Variants in ARHGAP26 observed in about 807,000 individuals in gnomAD.
ARHGAP26 encodes the protein rho GTPase-activating protein 26.
In ARHGAP26, 38 loss-of-function variants were observed where a neutral mutation model predicts 104.8. The observed-to-expected ratio is 0.36, with a 90% CI of 0.28 to 0.48. The LOEUF is 0.48. Among genes scored for constraint, ARHGAP26 ranks in the 20% least tolerant of loss-of-function variants. ARHGAP26 has a pLI of 0.99. For missense variants in ARHGAP26, 704 were observed against 947.9 expected, an observed-to-expected ratio of 0.74 and a Z score of 3.38; for synonymous variants, 341 against 340.0, an observed-to-expected ratio of 1.00 and a Z score of -0.03.
chr5:143,107,728 T>G (rs1216159294), intron 17 of ARHGAP26, among the ~76,000 whole-genome samples: 1 of 152,214 alleles, frequency 6.6e-6, no homozygotes, highest in Non-Finnish European at 1.5e-5. Flanking sequence ...AATCGTTCGG[T>G]GTCTTTGTTA....
chr5:143,046,117 A>G (rs1784202589), intron 14 of ARHGAP26, among the ~76,000 whole-genome samples: 1 of 151,672 alleles, frequency 6.6e-6, no homozygotes, highest in African/African-American at 2.4e-5. Flanking sequence ...CTGGGCAACA[A>G]GAACGAAACT....
intron 17 of ARHGAP26, among the ~76,000 whole-genome samples, chr5:143,092,170 G>GT (rs70991792): frequency 0.76 from 100,222 of 131,200 alleles, 40,976 homozygotes; most frequent in Non-Finnish European, 0.91. Context: ...TTTTTTTTTT[G>GT]TTTTTTTTTT....
intron 4 of ARHGAP26, among the ~76,000 whole-genome samples, chr5:142,884,427 A>G (rs1055404649): frequency 5.9e-5 from 9 of 152,354 alleles, no homozygotes; most frequent in African/African-American, 2.2e-4. Flanking sequence ...CATTTTGAAG[A>G]CAATAATACG....
At chr5:143,006,713 T>C (rs1194673666) in intron 11 of ARHGAP26, among the ~76,000 whole-genome samples, 2 of 152,166 alleles carry the variant, frequency 1.3e-5, no homozygotes, top group African/African-American at 4.8e-5. Flanking sequence ...GAAGAACCAA[T>C]AGCTGGCTCC....
intron 22 of ARHGAP26, among the ~76,000 whole-genome samples, chr5:143,217,427 G>C (rs1810505045): frequency 6.6e-6 from 1 of 152,234 alleles, no homozygotes; most frequent in South Asian, 2.1e-4. Context: ...TAACTGGAAA[G>C]AGAAATAGCT....
chr5:142,962,220 C>CATG (rs1166092512), intron 11 of ARHGAP26, among the ~76,000 whole-genome samples: 1 of 152,202 alleles, frequency 6.6e-6, no homozygotes, highest in African/African-American at 2.4e-5. Flanking sequence ...TTGGGCAACT[C>CATG]CATGTGAATT....
rs535440562 is a variant in ARHGAP26, at chr5:143,097,753, C to T, written c.1539-23235C>T. Among the ~76,000 whole-genome samples the T allele has an allele frequency of 1.2e-3, 174 of 143,320 alleles. 1 individual carries two copies. The highest frequency in any genetic ancestry group is 4.3e-3 in the African/African-American group (167 of 38,716). 94.0% of individuals were successfully genotyped at this position (143,320 alleles called of 152,430 possible). On this transcript the variant is annotated intron_variant, in intron 17 of 22. Coordinates refer to ENST00000645722, the MANE Select transcript of ARHGAP26 (RefSeq NM_001135608.3). ...AGGAGAATGGCATGAACCTGGGAGG[C>T]GGAGCTTGCAGTGAGCCAAGATTGC...
intron 12 of ARHGAP26, among the ~76,000 whole-genome samples, chr5:143,028,282 A>G (rs1180260657): frequency 6.6e-6 from 1 of 152,320 alleles, no homozygotes; most frequent in East Asian, 1.9e-4. Flanking sequence ...TGTTGTTACC[A>G]CTTAACGTGA....
intron 1 of ARHGAP26, among the ~76,000 whole-genome samples, chr5:142,796,518 C>A (rs1323852733): frequency 2.0e-5 from 3 of 152,220 alleles, no homozygotes; most frequent in Admixed American, 1.3e-4. Flanking sequence ...CATTGGTGGG[C>A]AAAGTGAATC....
At chr5:143,136,621 TG>T (rs918921503) in intron 19 of ARHGAP26, among the ~76,000 whole-genome samples, 2 of 152,030 alleles carry the variant, frequency 1.3e-5, no homozygotes, top group Non-Finnish European at 2.9e-5. Context: ...AGGCACCCTG[TG>T]GGGGGGCAGT....
intron 20 of ARHGAP26, among the ~76,000 whole-genome samples, chr5:143,191,086 G>A (rs1236871233): frequency 6.6e-6 from 1 of 152,188 alleles, no homozygotes; most frequent in Non-Finnish European, 1.5e-5. Flanking sequence ...GGTGATGGTG[G>A]CATTATAAAA....
At chr5:142,797,398 A>C (rs1478872648) in intron 1 of ARHGAP26, among the ~76,000 whole-genome samples, 1 of 152,242 alleles carries the variant, frequency 6.6e-6, no homozygotes, top group African/African-American at 2.4e-5. Context: ...AGTGGGCAAC[A>C]AGATGAATAT....
intron 1 of ARHGAP26, among the ~76,000 whole-genome samples, chr5:142,802,614 G>A (rs1463185420): frequency 6.6e-6 from 1 of 152,176 alleles, no homozygotes; most frequent in African/African-American, 2.4e-5. Flanking sequence ...AATTGTAATC[G>A]TCAGTTGAAG....
At chr5:142,807,338 C>G (rs1763173744) in intron 1 of ARHGAP26, among the ~76,000 whole-genome samples, 1 of 152,128 alleles carries the variant, frequency 6.6e-6, no homozygotes, top group Non-Finnish European at 1.5e-5. Flanking sequence ...GAGCCCATTG[C>G]CAGAAGGGGC....
At chr5:143,042,728 CT>C (rs1318504130) in intron 14 of ARHGAP26, among the ~76,000 whole-genome samples, 1 of 152,214 alleles carries the variant, frequency 6.6e-6, no homozygotes, top group Non-Finnish European at 1.5e-5. Flanking sequence ...TTTGTAATTT[CT>C]TTTGCCATCC....
chr5:142,783,488 T>C (rs73795909), intron 1 of ARHGAP26, among the ~76,000 whole-genome samples: 2,402 of 152,306 alleles, frequency 0.016, 61 homozygotes, highest in African/African-American at 0.056. Flanking sequence ...ATTTTTTTTT[T>C]CTTTAAAAAC....
At chr5:142,780,147 A>G (rs541295198) in intron 1 of ARHGAP26, among the ~76,000 whole-genome samples, 47 of 152,308 alleles carry the variant, frequency 3.1e-4, no homozygotes, top group African/African-American at 1.0e-3. Flanking sequence ...TTTGCTTTTA[A>G]TATATTAGAT....
chr5:142,991,279 C>A (rs1775574394), intron 11 of ARHGAP26, among the ~76,000 whole-genome samples: 1 of 152,224 alleles, frequency 6.6e-6, no homozygotes, highest in Non-Finnish European at 1.5e-5. Flanking sequence ...AGGATATAAT[C>A]TCCTGGTGTG....
At chr5:142,999,775 T>G (rs1227120134) in intron 11 of ARHGAP26, among the ~76,000 whole-genome samples, 1 of 152,110 alleles carries the variant, frequency 6.6e-6, no homozygotes, top group Non-Finnish European at 1.5e-5. Context: ...GAAAAAAAAT[T>G]GACTTGATTT....
Sources: gnomAD v4.1 joint callset for allele counts (sites outside exome capture counted in the v4.1 genomes callset) on GRCh38, gnomAD v4.1.1 for gene constraint, MANE v1.5 for transcripts, NCBI Gene and HGNC (gene_info 2026-07-23, HGNC 2026-07-21) for gene names.